Variants in RPS6KC1 observed in about 807,000 individuals in gnomAD.
The protein encoded by RPS6KC1 is inactive ribosomal protein S6 kinase delta-1.
A neutral mutation model predicts 103.8 loss-of-function variants in RPS6KC1; 54 were observed. The observed-to-expected ratio is 0.52, with a 90% CI of 0.42 to 0.65. The LOEUF (loss-of-function observed/expected upper bound fraction) is 0.65. Among genes scored for constraint, RPS6KC1 ranks in the 30% least tolerant of loss-of-function variants. The pLI is 0.00. For synonymous variants in RPS6KC1, 439 were observed against 438.7 expected (o/e 1.00, Z -0.01); for missense variants, 1,151 against 1,253.8 (o/e 0.92, Z 1.24).
chr1:213,594,414 A>G, the RPS6KC1 span, among the ~76,000 whole-genome samples: 2 of 152,238 alleles, frequency 1.3e-5, no homozygotes, highest in Non-Finnish European at 2.9e-5. Context: ...ATTATTAAAT[A>G]AGTTTTACCC....
the RPS6KC1 span, among the ~76,000 whole-genome samples, chr1:213,597,419 C>T: frequency 2.0e-5 from 3 of 152,036 alleles, no homozygotes; most frequent in South Asian, 2.1e-4. Context: ...CATCCCAGAG[C>T]GAGACTCTTT....
At chr1:213,707,784 T>C in the RPS6KC1 span, among the ~76,000 whole-genome samples, 2 of 152,232 alleles carry the variant, frequency 1.3e-5, no homozygotes, top group African/African-American at 4.8e-5. Context: ...CTCAACACCA[T>C]TTATTAAATA....
At chr1:213,783,087 AG>A in the RPS6KC1 span, among the ~76,000 whole-genome samples, 1 of 152,202 alleles carries the variant, frequency 6.6e-6, no homozygotes, top group African/African-American at 2.4e-5. Context: ...CCACCCTTTC[AG>A]GGGAACGTGT....
chr1:213,464,513 A>G, the RPS6KC1 span, among the ~76,000 whole-genome samples: 1 of 152,114 alleles, frequency 6.6e-6, no homozygotes. Context: ...TCAAAGACTT[A>G]GCTCTTAGTT....
intron 14 of RPS6KC1, among the ~76,000 whole-genome samples, chr1:213,264,499 G>T (rs2094870885): frequency 6.6e-6 from 1 of 152,024 alleles, no homozygotes; most frequent in African/African-American, 2.4e-5. Flanking sequence ...ATTAAAAATG[G>T]AATTCCTCAT....
At chr1:213,246,724 T>C (rs1322388605) in intron 12 of RPS6KC1, among the ~76,000 whole-genome samples, 1 of 151,846 alleles carries the variant, frequency 6.6e-6, no homozygotes, top group Non-Finnish European at 1.5e-5. Flanking sequence ...CAAAAACAGC[T>C]AGAAAATAGA....
chr1:213,722,018 C>T, the RPS6KC1 span, among the ~76,000 whole-genome samples: 7 of 152,250 alleles, frequency 4.6e-5, no homozygotes, highest in South Asian at 1.2e-3. Flanking sequence ...CACTCCGTCT[C>T]TTCTGGATTT....
the RPS6KC1 span, among the ~76,000 whole-genome samples, chr1:213,490,987 G>A: frequency 6.6e-6 from 1 of 152,170 alleles, no homozygotes; most frequent in Non-Finnish European, 1.5e-5. Context: ...CTCGTGATGG[G>A]AACTGGAGCA....
At chr1:213,604,004 A>G in the RPS6KC1 span, among the ~76,000 whole-genome samples, 1 of 152,216 alleles carries the variant, frequency 6.6e-6, no homozygotes, top group African/African-American at 2.4e-5. Context: ...TTTGGTCTGT[A>G]CTGGGAAAGG....
chr1:213,399,946 C>T, the RPS6KC1 span, among the ~76,000 whole-genome samples: 8 of 152,102 alleles, frequency 5.3e-5, no homozygotes, highest in African/African-American at 1.4e-4. Flanking sequence ...GTATTTTTAG[C>T]GAAGAGATTC....
chr1:213,796,442 A>G, the RPS6KC1 span, among the ~76,000 whole-genome samples: 3 of 152,206 alleles, frequency 2.0e-5, no homozygotes, highest in East Asian at 5.8e-4. Context: ...CCTTTTGTTC[A>G]GAGAGGCGTT....
chr1:213,661,370 T>C, the RPS6KC1 span, among the ~76,000 whole-genome samples: 11 of 152,100 alleles, frequency 7.2e-5, no homozygotes, highest in Non-Finnish European at 1.2e-4. Context: ...TGGAAGTCAG[T>C]GGGGTGGAAC....
the RPS6KC1 span, among the ~76,000 whole-genome samples, chr1:213,367,489 G>T: frequency 6.6e-6 from 1 of 152,206 alleles, no homozygotes; most frequent in Non-Finnish European, 1.5e-5. Context: ...TGATTGTGAC[G>T]TGAAATCAAC....
chr1:213,636,311 G>A, the RPS6KC1 span, among the ~76,000 whole-genome samples: 6 of 152,148 alleles, frequency 3.9e-5, no homozygotes. Flanking sequence ...TCATTGCCAA[G>A]AGAAACCTAA....
At chr1:213,687,187 C>G in the RPS6KC1 span, among the ~76,000 whole-genome samples, 7 of 152,264 alleles carry the variant, frequency 4.6e-5, no homozygotes, top group East Asian at 1.4e-3. Context: ...CTAAGAATGT[C>G]TAATCTCATG....
the RPS6KC1 span, among the ~76,000 whole-genome samples, chr1:213,380,934 A>G: frequency 2.6e-5 from 4 of 152,288 alleles, no homozygotes; most frequent in Non-Finnish European, 4.4e-5. Context: ...CTTAGGGAAC[A>G]CCATTTCCAG....
At chr1:213,439,722 T>C in the RPS6KC1 span, among the ~76,000 whole-genome samples, 1 of 152,160 alleles carries the variant, frequency 6.6e-6, no homozygotes, top group East Asian at 1.9e-4. Flanking sequence ...CTTAAAATGG[T>C]TCTTATTATC....
the RPS6KC1 span, among the ~76,000 whole-genome samples, chr1:213,412,168 G>A: frequency 3.3e-5 from 5 of 152,120 alleles, no homozygotes; most frequent in Admixed American, 6.5e-5. Flanking sequence ...CTAAGTTCCC[G>A]TTTTATGTAC....
At chr1:213,569,017 G>A in the RPS6KC1 span, among the ~76,000 whole-genome samples, 3 of 152,276 alleles carry the variant, frequency 2.0e-5, no homozygotes, top group Admixed American at 6.5e-5. Flanking sequence ...GAGTGCCCTC[G>A]ACCAGCACCT....
Sources: gnomAD v4.1 joint callset for allele counts (sites outside exome capture counted in the v4.1 genomes callset) on GRCh38, gnomAD v4.1.1 for gene constraint, MANE v1.5 for transcripts, NCBI Gene and HGNC (gene_info 2026-07-23, HGNC 2026-07-21) for gene names.